The following MYO1H variants were observed in gnomAD, a reference collection of about 807,000 sequenced individuals.
MYO1H encodes myosin IH.
Under a neutral mutation model 149.3 loss-of-function variants are expected in MYO1H, and 118 were observed. That is an observed-to-expected ratio of 0.79 (90% CI 0.68 to 0.92). MYO1H has a LOEUF of 0.92. Ranked by LOEUF, MYO1H falls within the 40% of genes least tolerant of loss-of-function variation. MYO1H has a pLI of 0.00. For missense variants in MYO1H, 1,212 were observed against 1,280.7 expected (o/e 0.95, Z 0.82); for synonymous variants, 447 against 465.2 (o/e 0.96, Z 0.50).
exon 6 of MYO1H, chr12:109,401,138 T>G: frequency 6.2e-7 from 1 of 1,613,904 alleles, no homozygotes; most frequent in Non-Finnish European, 8.5e-7. Flanking sequence ...GATAGAGAAG[T>G]CCCGAGTTGT....
intron 15 of MYO1H, among the ~76,000 whole-genome samples, chr12:109,417,876 C>T (rs7313662): frequency 0.17 from 26,181 of 151,432 alleles, 2,618 homozygotes; most frequent in African/African-American, 0.27. Context: ...AGTCCGGTGG[C>T]GCGATCTCGG....
At chr12:109,334,458 G>A in the MYO1H span, among the ~76,000 whole-genome samples, 2 of 152,212 alleles carry the variant, frequency 1.3e-5, no homozygotes, top group Admixed American at 6.5e-5. Flanking sequence ...TTACAGGTGT[G>A]AGGCACCAGG....
At chr12:109,385,467 ATT>A (rs1869285821) in intron 1 of MYO1H, among the ~76,000 whole-genome samples, 2 of 151,826 alleles carry the variant, frequency 1.3e-5, no homozygotes, top group Admixed American at 6.6e-5. Flanking sequence ...TAGTTTTCAT[ATT>A]TTTAGTAGAG....
chr12:109,320,579 G>A, the MYO1H span, among the ~76,000 whole-genome samples: 4 of 134,228 alleles, frequency 3.0e-5, no homozygotes, highest in Admixed American at 2.5e-4. Flanking sequence ...AGCTGAGATC[G>A]CACCACTGCA....
chr12:109,400,426 A>G (rs1311573707), intron 5 of MYO1H, among the ~76,000 whole-genome samples: 31 of 152,124 alleles, frequency 2.0e-4, no homozygotes, highest in Admixed American at 2.0e-3. Flanking sequence ...TTAAGTTTGT[A>G]TCTCCCTGGT....
chr12:109,362,439 T>G lies in MYO1H; in HGVS notation c.12+14467T>G, dbSNP rs577502484. Among the ~76,000 whole-genome samples, 6 of 152,334 alleles carry G rather than the reference T, an allele frequency of 3.9e-5. No homozygotes were observed. In the East Asian group the frequency reaches 1.2e-3, roughly 29 times the overall value. ...GTACTATCTTTTTTAACTTTGCAGG[T>G]TCATGACTGAGAAACCAATTACAAA... On this transcript the variant is annotated intron_variant, in intron 1 of 31. Coordinates refer to ENST00000310903, the Ensembl canonical transcript of MYO1H.
At chr12:109,398,181 C>T (rs1271351374) in intron 5 of MYO1H, among the ~76,000 whole-genome samples, 2 of 152,172 alleles carry the variant, frequency 1.3e-5, no homozygotes, top group African/African-American at 2.4e-5. Flanking sequence ...TAAGGTGCAA[C>T]CATTCCGCTC....
the MYO1H span, among the ~76,000 whole-genome samples, chr12:109,338,850 ATTC>A: frequency 1.3e-5 from 2 of 151,710 alleles, no homozygotes; most frequent in African/African-American, 4.8e-5. Context: ...AGTTTCCAGA[ATTC>A]TTAGGCCTCT....
chr12:109,438,974 A>T (rs1250566849), intron 23 of MYO1H, among the ~76,000 whole-genome samples: 1 of 152,226 alleles, frequency 6.6e-6, no homozygotes, highest in Non-Finnish European at 1.5e-5. Flanking sequence ...GTGGGGCGGT[A>T]ACTAGCCCAT....
chr12:109,334,085 C>T, the MYO1H span, among the ~76,000 whole-genome samples: 1 of 152,078 alleles, frequency 6.6e-6, no homozygotes, highest in African/African-American at 2.4e-5. Flanking sequence ...GATGCAATCT[C>T]GGCTCACTGC....
intron 27 of MYO1H, among the ~76,000 whole-genome samples, chr12:109,442,681 G>C (rs1872191843): frequency 6.6e-6 from 1 of 152,120 alleles, no homozygotes; most frequent in African/African-American, 2.4e-5. Flanking sequence ...CTGTGAATGA[G>C]GATGATGGGT....
At chr12:109,356,331 G>T (rs1220076685) in intron 1 of MYO1H, among the ~76,000 whole-genome samples, 1 of 152,080 alleles carries the variant, frequency 6.6e-6, no homozygotes, top group Non-Finnish European at 1.5e-5. Context: ...GAGAAAGATA[G>T]CTGTGGATAC....
chr12:109,438,036 C>G (rs1871939396), intron 22 of MYO1H, among the ~76,000 whole-genome samples: 1 of 142,010 alleles, frequency 7.0e-6, no homozygotes, highest in African/African-American at 2.7e-5. Flanking sequence ...TGCAGTGAAC[C>G]AAGATCACAC....
In MYO1H at chr12:109,404,082, T is replaced by G; in HGVS notation, c.849+2T>G. 1.9e-6 allele frequency: 3 copies of G among 1,609,840 alleles called. No individual in the cohort carries two copies. The highest frequency in any genetic ancestry group is 2.5e-6 in the Non-Finnish European group (3 of 1,176,754). Reference sequence around the variant, plus strand: ...GATTTTACTGAAGCTGACCTCGAGGTACGTGCTTTTGCAGCAGAACTGATA... The same window carrying G: ...GATTTTACTGAAGCTGACCTCGAGGGACGTGCTTTTGCAGCAGAACTGATA... On this transcript the variant is annotated splice_donor_variant, in intron 7 of 31. Coordinates refer to ENST00000310903, the Ensembl canonical transcript of MYO1H. LOFTEE classifies it high-confidence loss of function.
At chr12:109,315,074 C>T in the MYO1H span, among the ~76,000 whole-genome samples, 1 of 152,140 alleles carries the variant, frequency 6.6e-6, no homozygotes, top group Non-Finnish European at 1.5e-5. Flanking sequence ...TGCATTCCAG[C>T]CTGGGCTACA....
chr12:109,409,246 CTTTTTTTTTTT>C (rs66507410), intron 10 of MYO1H, among the ~76,000 whole-genome samples: 136 of 47,852 alleles, frequency 2.8e-3, no homozygotes, highest in African/African-American at 9.3e-3. Flanking sequence ...TCTTCTTCTT[CTTTTTTTTTTT>C]TTTTTTTTTT....
intron 14 of MYO1H, among the ~76,000 whole-genome samples, chr12:109,413,303 G>T (rs1197771394): frequency 1.3e-5 from 2 of 152,052 alleles, no homozygotes; most frequent in African/African-American, 2.4e-5. Flanking sequence ...TCCTGCATTT[G>T]TGTTTTCCCT....
intron 25 of MYO1H, 150 bp from the exon 26 acceptor site, chr12:109,441,465 G>T: frequency 2.1e-6 from 1 of 481,962 alleles, no homozygotes; most frequent in South Asian, 3.6e-5. Context: ...TTTGGCCAAA[G>T]CCAGGAAGGT....
chr12:109,369,090 C>T (rs1012760887), intron 1 of MYO1H, among the ~76,000 whole-genome samples: 12 of 151,886 alleles, frequency 7.9e-5, no homozygotes, highest in Non-Finnish European at 1.6e-4. Context: ...TGGGTTCAAG[C>T]AATTCTCCTG....
Sources: allele counts gnomAD v4.1 joint callset (sites outside exome capture counted in the v4.1 genomes callset), GRCh38; gene constraint gnomAD v4.1.1; transcripts MANE v1.5; gene names NCBI Gene and HGNC (gene_info 2026-07-23, HGNC 2026-07-21).